ZNF536: variants seen among roughly 807,000 people sequenced by gnomAD.
ZNF536 encodes the protein zinc finger protein 536.
ZNF536 carries 13 observed loss-of-function variants against 84.5 expected under a neutral mutation model. That is an observed-to-expected ratio of 0.15 (90% CI 0.10 to 0.24). The LOEUF (loss-of-function observed/expected upper bound fraction) is 0.24. ZNF536 is among the 10% of genes least tolerant of loss of function. The pLI, the probability that ZNF536 is intolerant of heterozygous loss-of-function variation, is 1.00. For synonymous variants in ZNF536, 811 were observed against 742.5 expected, an observed-to-expected ratio of 1.09 and a Z score of -1.50; for missense variants, 1,536 against 1,747.5, an observed-to-expected ratio of 0.88 and a Z score of 2.16.
Position 30,445,103 on chromosome 19 carries a change from A to G in ZNF536, c.1541A>G (p.Glu514Gly), listed in dbSNP as rs2148211666. 6.2e-7 allele frequency: 1 copy of G among 1,613,764 alleles called. No homozygotes were observed. Among genetic ancestry groups the G allele is most frequent in the South Asian group, 1.1e-5 (1 of 91,086 alleles). ...ERLQAAAKAA[E>G]MDPVNSYQAW... ...CTGCAGGCGGCTGCCAAGGCTGCGG[A>G]GATGGACCCCGTGAACAGCTACCAG... The change falls in exon 2 of 5, where the codon GAG becomes GGG. Residue 514 changes from glutamate to glycine, a missense_variant. This residue lies in a region of ZNF536 where 366 missense variants were observed against 364.4 expected (regional missense o/e 1.00). Coordinates refer to ENST00000355537, the MANE Select transcript of ZNF536 (RefSeq NM_014717.3). This position sits in a 1 kb window ranked among gnomAD's most constrained non-coding sequence, Gnocchi z 4.5.
At chr19:30,425,918 G>T (rs945625249) in intron 1 of ZNF536, among the ~76,000 whole-genome samples, 3 of 152,352 alleles carry the variant, frequency 2.0e-5, no homozygotes, top group African/African-American at 7.2e-5. Flanking sequence ...TGGCTGTGGA[G>T]TCTGGACCTG....
At chr19:30,642,740 G>A (rs2049311166) in intron 1 of ZNF536, among the ~76,000 whole-genome samples, 1 of 152,158 alleles carries the variant, frequency 6.6e-6, no homozygotes, top group Admixed American at 6.5e-5. Context: ...GTCCAGATGG[G>A]TTTCAGGAGA....
chr19:30,316,328 G>A (rs2046676962), intron 2 of ZNF536, among the ~76,000 whole-genome samples: 1 of 152,316 alleles, frequency 6.6e-6, no homozygotes, highest in Admixed American at 6.5e-5. Flanking sequence ...TATGAAGGAG[G>A]AAGGCTGGTA....
At chr19:30,560,902 T>C (rs1017397130), downstream of ZNF536, among the ~76,000 whole-genome samples, 1 of 152,256 alleles carries the variant, frequency 6.6e-6, no homozygotes, top group African/African-American at 2.4e-5. Context: ...AGATTCTGCC[T>C]CTGGAGCAAG....
chr19:30,402,698 C>T (rs1349684761), intron 1 of ZNF536, among the ~76,000 whole-genome samples: 3 of 150,788 alleles, frequency 2.0e-5, no homozygotes, highest in South Asian at 2.1e-4. Context: ...CAAACTGCCG[C>T]CTCCAGAGCA....
chr19:30,582,886 G>T lies in ZNF536; in HGVS notation c.169+33372G>T, dbSNP rs371461477. ...TCCCACTGGGTCCCTCCCACAACACGTGGGAATTATGGGAGCTACAATTCA... is the reference window on the plus strand; with the variant it reads ...TCCCACTGGGTCCCTCCCACAACACTTGGGAATTATGGGAGCTACAATTCA... On this transcript the variant is annotated intron_variant, in intron 1 of 1. Transcript: ENST00000592773. 5.9e-5 allele frequency among the ~76,000 whole-genome samples: 9 copies of T among 152,290 alleles called. 1 individual carries two copies. In the South Asian group the frequency reaches 1.9e-3, roughly 32 times the overall value.
intron 1 of ZNF536, among the ~76,000 whole-genome samples, chr19:30,687,141 C>T (rs557319722): frequency 6.6e-6 from 1 of 152,336 alleles, no homozygotes. Context: ...CCCGGCCGGG[C>T]AGACGCGGGG....
At chr19:30,706,697 G>A (rs896963039) in intron 1 of ZNF536, among the ~76,000 whole-genome samples, 3 of 152,162 alleles carry the variant, frequency 2.0e-5, no homozygotes, top group South Asian at 2.1e-4. Context: ...CTTACTATTT[G>A]GAGTTCTTTA....
intron 1 of ZNF536, among the ~76,000 whole-genome samples, chr19:30,581,190 T>C (rs903758673): frequency 2.6e-5 from 4 of 152,208 alleles, no homozygotes; most frequent in African/African-American, 4.8e-5. Flanking sequence ...GATGGAAAGT[T>C]AGAGTTGCTG....
At chr19:30,630,496 G>A (rs56881449) in intron 1 of ZNF536, among the ~76,000 whole-genome samples, 2 of 152,156 alleles carry the variant, frequency 1.3e-5, no homozygotes, top group Non-Finnish European at 2.9e-5. Context: ...GCATGCAAGA[G>A]CATGAATTTC....
intron 1 of ZNF536, among the ~76,000 whole-genome samples, chr19:30,565,848 CAG>C (rs1345493590): frequency 1.3e-5 from 2 of 152,056 alleles, no homozygotes; most frequent in Non-Finnish European, 2.9e-5. Context: ...ATAGCTGTTG[CAG>C]AGTCAGGGAG....
chr19:30,276,198 A>G (rs2026121248), intron 1 of ZNF536, among the ~76,000 whole-genome samples: 1 of 152,146 alleles, frequency 6.6e-6, no homozygotes, highest in South Asian at 2.1e-4. Context: ...AGTGTTTCAG[A>G]TTGTCACTTA....
chr19:30,336,927 A>G (rs1349708636), intron 2 of ZNF536, among the ~76,000 whole-genome samples: 1 of 152,188 alleles, frequency 6.6e-6, no homozygotes. Flanking sequence ...TAGTTCGAGG[A>G]AAGTGCAGCC....
At chr19:30,322,867 G>A (rs2046902886) in intron 2 of ZNF536, among the ~76,000 whole-genome samples, 1 of 152,112 alleles carries the variant, frequency 6.6e-6, no homozygotes, top group Non-Finnish European at 1.5e-5. Context: ...CACCTCATGT[G>A]ACTTCCTGGA....
intron 2 of ZNF536, among the ~76,000 whole-genome samples, chr19:30,338,277 GTGATGACAATGATAATATGA>G (rs1007550370): frequency 5.9e-5 from 9 of 151,680 alleles, no homozygotes; most frequent in East Asian, 3.9e-4. Flanking sequence ...GATGATGATG[GTGATGACAATGATAATATGA>G]TGATGACAAT....
intron 1 of ZNF536, among the ~76,000 whole-genome samples, chr19:30,652,137 T>C (rs547930259): frequency 6.6e-6 from 1 of 152,300 alleles, no homozygotes; most frequent in South Asian, 2.1e-4. Context: ...AAAGTAATGA[T>C]CCACAAACTC....
intron 1 of ZNF536, among the ~76,000 whole-genome samples, chr19:30,676,744 T>G (rs1467512989): frequency 6.6e-6 from 1 of 152,240 alleles, no homozygotes; most frequent in Non-Finnish European, 1.5e-5. Flanking sequence ...TCCACACACA[T>G]TTTATGAAAA....
chr19:30,230,971 C>CTTTT (rs58301646), intron 1 of ZNF536, among the ~76,000 whole-genome samples: 1 of 145,316 alleles, frequency 6.9e-6, no homozygotes, highest in African/African-American at 2.5e-5. Flanking sequence ...TATAGATGAA[C>CTTTT]TTTTTTTTTT....
intron 2 of ZNF536, among the ~76,000 whole-genome samples, chr19:30,476,957 G>GT (rs530853543): frequency 0.031 from 4,644 of 147,438 alleles, 232 homozygotes; most frequent in African/African-American, 0.11. Context: ...TACTTGCTGG[G>GT]TTTTTTTTTT....
Sources: gnomAD v4.1 joint callset for allele counts (sites outside exome capture counted in the v4.1 genomes callset) on GRCh38, gnomAD v4.1.1 for gene constraint, gnomAD v4.1.1 regional missense constraint, Gnocchi (gnomAD v3.1) non-coding constraint, MANE v1.5 for transcripts, NCBI Gene and HGNC (gene_info 2026-07-23, HGNC 2026-07-21) for gene names.